Variants in DNAH10 observed in about 807,000 individuals in gnomAD.
The protein encoded by DNAH10 is axonemal beta dynein heavy chain 10.
DNAH10 carries 348 observed loss-of-function variants against 506.6 expected under a neutral mutation model. The observed-to-expected ratio is 0.69, with a 90% CI of 0.63 to 0.75. The LOEUF (loss-of-function observed/expected upper bound fraction) is 0.75. Among genes scored for constraint, DNAH10 ranks in the 30% least tolerant of loss-of-function variants. The probability of loss-of-function intolerance (pLI) is 0.00; values close to 1 mark genes in which losing one functional copy is unlikely to be tolerated. For synonymous variants in DNAH10, 2,059 were observed against 2,198.6 expected (o/e 0.94, Z 1.78); for missense variants, 5,179 against 5,787.1 (o/e 0.89, Z 3.41).
chr12:123,931,890 G>A (rs760392540), intron 75 of DNAH10, 43 bp downstream of exon 75: 7 of 1,612,516 alleles, frequency 4.3e-6, no homozygotes, highest in Non-Finnish European at 5.1e-6. Flanking sequence ...TAGATACGTG[G>A]CACCTGGGGT....
chr12:123,919,138 C>T lies in DNAH10; in HGVS notation c.11506+189C>T, dbSNP rs148274211. 1,969 of 678,888 alleles carry T rather than the reference C, an allele frequency of 2.9e-3. 6 individuals are homozygous for T. The highest frequency in any genetic ancestry group is 3.9e-3 in the Middle Eastern group (9 of 2,330). The allele number at this position is 678,888 out of a possible 1,614,324, so 42.1% of individuals were successfully genotyped here. A position where few individuals can be genotyped will look rare whatever the true frequency, so the allele number is the denominator to read the frequency against. ...TCACCCAGGCTGGAATGCAGTGGTG[C>T]GATCACGGCTCACTGCAACCTCCAC... On this transcript the variant is annotated intron_variant, in intron 65 of 78. Coordinates refer to ENST00000673944, the MANE Select transcript of DNAH10 (RefSeq NM_001372106.1). This position sits in a 1 kb window ranked among gnomAD's most constrained non-coding sequence, Gnocchi z 4.9.
At chr12:123,854,878 T>TA (rs1951326662) in intron 36 of DNAH10, among the ~76,000 whole-genome samples, 3 of 152,260 alleles carry the variant, frequency 2.0e-5, no homozygotes, top group Admixed American at 1.3e-4. Context: ...CAGCTGCGCT[T>TA]ATCATGACAG....
Position 123,785,958 on chromosome 12 carries a change from T to C in DNAH10, c.1421+22T>C, listed in dbSNP as rs759636483. On this transcript the variant is annotated intron_variant, in intron 9 of 78. Transcript: ENST00000673944. The surrounding 1 kb of genome is among the most constrained non-coding windows in gnomAD (Gnocchi z 4.1). ...TCAAGTAAGAAGCCATGGCGTTCAT[T>C]TTTTTGTTTTGTTTTGTTTCACTTT... is the stretch of plus-strand genomic sequence containing the variant. The C allele has an allele frequency of 6.3e-7, 1 of 1,596,434 alleles. No homozygotes were observed. Among genetic ancestry groups the C allele is most frequent in the Non-Finnish European group, 8.6e-7 (1 of 1,167,082 alleles).
chr12:123,777,244 G>A (rs1277504735), intron 5 of DNAH10, among the ~76,000 whole-genome samples: 1 of 152,192 alleles, frequency 6.6e-6, no homozygotes, highest in Non-Finnish European at 1.5e-5. Context: ...CAAGGGACTG[G>A]GTGGAACAAC....
rs1594254493 is a variant in DNAH10 at position 123,873,788 on chromosome 12, A to G, written c.7938+78A>G. 8 of 1,473,382 alleles carry G rather than the reference A, an allele frequency of 5.4e-6. No individual in the cohort carries two copies. In the South Asian group the frequency reaches 8.5e-5, roughly 16 times the overall value. 91.3% of individuals were successfully genotyped at this position (1,473,382 alleles called of 1,614,324 possible). On this transcript the variant is annotated intron_variant, in intron 46 of 78. Coordinates refer to ENST00000673944, the MANE Select transcript of DNAH10 (RefSeq NM_001372106.1). ...TGCATGGGTGTGTGTGTGTGTTAGA[A>G]GTGAGTATGAGAACATTGATCTTTA...
At chr12:123,825,391 C>CA (rs1959868022) in intron 24 of DNAH10, among the ~76,000 whole-genome samples, 2 of 152,148 alleles carry the variant, frequency 1.3e-5, no homozygotes, top group Non-Finnish European at 2.9e-5. Flanking sequence ...CCCAAATGCC[C>CA]ATTAAGTGAA....
At chr12:123,901,857 C>T (rs1474846739) in intron 56 of DNAH10, among the ~76,000 whole-genome samples, 8 of 152,092 alleles carry the variant, frequency 5.3e-5, no homozygotes, top group African/African-American at 1.7e-4. Flanking sequence ...GACGGGGTTT[C>T]GCCATGTTGG....
At chr12:123,840,898 CAG>C (rs922295861) in intron 29 of DNAH10, among the ~76,000 whole-genome samples, 37 of 152,186 alleles carry the variant, frequency 2.4e-4, no homozygotes, top group African/African-American at 8.2e-4. Context: ...TTATTCCAGG[CAG>C]AGAGAGGAGG....
intron 5 of DNAH10, among the ~76,000 whole-genome samples, chr12:123,780,566 C>T (rs1257977150): frequency 3.3e-5 from 5 of 152,098 alleles, no homozygotes; most frequent in Non-Finnish European, 4.4e-5. Flanking sequence ...AATTGATGCC[C>T]TTGGATCACT....
chr12:123,819,372 A>T, intron 23 of DNAH10, 122 bp downstream of exon 23: 1 of 752,218 alleles, frequency 1.3e-6, no homozygotes, highest in South Asian at 1.9e-5. Context: ...TTTCTTCCTC[A>T]AATACTTTTT....
intron 21 of DNAH10, among the ~76,000 whole-genome samples, chr12:123,818,457 G>A (rs1363580120): frequency 6.6e-6 from 1 of 151,962 alleles, no homozygotes; most frequent in African/African-American, 2.4e-5. Flanking sequence ...CTGAGTAGCT[G>A]GAACTACAGG....
In DNAH10 at chr12:123,813,258, T is replaced by C. The variant is rs1024713764; in HGVS notation, c.3239T>C (p.Ile1080Thr). ...GTTATAATAAACTTTTACAATGATATCTCTCTGAACCCTCAGATAATTGAA... is the reference window on the plus strand; with the variant it reads ...GTTATAATAAACTTTTACAATGATACCTCTCTGAACCCTCAGATAATTGAA... ...EVVIINFYND[I>T]SLNPQIIEQA... Residue 1080 changes from isoleucine (I) to threonine (T), a missense_variant, in exon 20 of 79, where the codon ATC (isoleucine) becomes ACC (threonine). By Grantham distance (89) the Ile-to-Thr change is moderately conservative. This residue lies in a region of DNAH10 where 4,844 missense variants were observed against 5,430.5 expected (regional missense o/e 0.89). Transcript: ENST00000673944. The C allele has an allele frequency of 3.7e-6, 6 of 1,614,160 alleles. No homozygotes were observed. In the Admixed American group the frequency reaches 8.3e-5, roughly 22 times the overall value.
intron 21 of DNAH10, among the ~76,000 whole-genome samples, chr12:123,817,017 T>C (rs1298179819): frequency 3.9e-5 from 6 of 152,066 alleles, no homozygotes; most frequent in African/African-American, 1.4e-4. Flanking sequence ...TATTATTCCA[T>C]CATCTTCTGG....
At chr12:123,870,065 T>C (rs1457802439) in intron 43 of DNAH10, among the ~76,000 whole-genome samples, 1 of 152,200 alleles carries the variant, frequency 6.6e-6, no homozygotes, top group Non-Finnish European at 1.5e-5. Flanking sequence ...GGGAAGTGTA[T>C]GTCCAGTGAA....
chr12:123,899,845 C>T (rs967480647), intron 56 of DNAH10, among the ~76,000 whole-genome samples: 4 of 152,198 alleles, frequency 2.6e-5, no homozygotes, highest in Non-Finnish European at 5.9e-5. Flanking sequence ...AACAATTTCA[C>T]GTTTTTCTTA....
At chr12:123,935,121 TG>T in intron 78 of DNAH10, 1 of 616,910 alleles carries the variant, frequency 1.6e-6, no homozygotes, top group Admixed American at 3.0e-5. Context: ...CTGCTCTGCC[TG>T]GGCCAGGACC....
intron 8 of DNAH10, 75 bp downstream of exon 8, chr12:123,784,252 A>G: frequency 6.7e-7 from 1 of 1,481,912 alleles, no homozygotes. Flanking sequence ...CCTTTTAAAA[A>G]TGTTCAGCAT....
At chr12:123,765,998 A>G (rs533038394) in intron 1 of DNAH10, among the ~76,000 whole-genome samples, 1 of 152,220 alleles carries the variant, frequency 6.6e-6, no homozygotes, top group East Asian at 1.9e-4. Context: ...TCTATCAATT[A>G]TCTACCAATT....
Position 123,850,752 on chromosome 12 carries a change from A to C in DNAH10, c.6103-136A>C. The C allele has an allele frequency of 1.1e-6, 1 of 931,042 alleles. No individual in the cohort carries two copies. Among genetic ancestry groups the C allele is most frequent in the Non-Finnish European group, 1.6e-6 (1 of 642,918 alleles). 57.7% of individuals were successfully genotyped at this position (931,042 alleles called of 1,614,324 possible). ...CCCTGCATTGAACACCGGGGAGGGAAAAAGAGACAAGTGGTGTTGTCAGCC... is the reference window on the plus strand; with the variant it reads ...CCCTGCATTGAACACCGGGGAGGGACAAAGAGACAAGTGGTGTTGTCAGCC... On this transcript the variant is annotated intron_variant, in intron 34 of 78. Transcript: ENST00000673944. This position sits in a 1 kb window ranked among gnomAD's most constrained non-coding sequence, Gnocchi z 5.5.
Sources: allele counts gnomAD v4.1 joint callset (sites outside exome capture counted in the v4.1 genomes callset), GRCh38; gene constraint gnomAD v4.1.1; regional missense constraint gnomAD v4.1.1; non-coding constraint Gnocchi (gnomAD v3.1); transcripts MANE v1.5; gene names NCBI Gene and HGNC (gene_info 2026-07-23, HGNC 2026-07-21).